Variants in RICTOR observed in about 807,000 individuals in gnomAD.
RICTOR encodes rapamycin-insensitive companion of mTOR.
Under a neutral mutation model 214.9 loss-of-function variants are expected in RICTOR, and 49 were observed. The ratio of observed to expected loss-of-function variants is 0.23; its 90% CI spans 0.18 to 0.29. The LOEUF (loss-of-function observed/expected upper bound fraction) is 0.29, where lower values mean the gene tolerates loss of function less well. Among genes scored for constraint, RICTOR ranks in the 10% least tolerant of loss-of-function variants. RICTOR has a pLI of 1.00. For missense variants in RICTOR, 1,625 were observed against 2,047.0 expected (o/e 0.79, Z 3.98); for synonymous variants, 717 against 711.3 (o/e 1.01, Z -0.13).
chr5:38,959,280 A>G lies in RICTOR; in HGVS notation c.2093T>C (p.Leu698Pro). 6.3e-7 allele frequency: 1 copy of G among 1,593,474 alleles called. No homozygotes were observed. ...GTCCAAGCTAGAAACAGTAAGTTTTAGCAAGTGATCTTGGTTTTTCAAGGA... is the reference window on the plus strand; with the variant it reads ...GTCCAAGCTAGAAACAGTAAGTTTTGGCAAGTGATCTTGGTTTTTCAAGGA... ...LCSLKNQDHL[L>P]KLTVSSLDYS... The change falls in exon 22 of 38, where the codon CTA becomes CCA. Residue 698 changes from leucine (L) to proline (P), a missense_variant. Transcript: ENST00000357387.
chr5:38,945,719 GA>G lies in RICTOR; in HGVS notation c.4404del (p.Pro1469HisfsTer8). 1 of 1,528,572 alleles carries G rather than the reference GA, an allele frequency of 6.5e-7. No individual in the cohort carries two copies. The highest frequency in any genetic ancestry group is 9.1e-7 in the Non-Finnish European group (1 of 1,102,560). 94.7% of individuals were successfully genotyped at this position (1,528,572 alleles called of 1,614,324 possible). A position where few individuals can be genotyped will look rare whatever the true frequency, so the allele number is the denominator to read the frequency against. Reference protein sequence around the residue: ...ARAFAHDAGGLPSGTGGLVKN... With the variant: ...ARAFAHDAGGXPSGTGGLVKN... Reference sequence around the variant, plus strand: ...TTTACAAGACCTCCAGTTCCAGATGGAAGACCTGTGCATAAGTAAATATAAA... The same window carrying G: ...TTTACAAGACCTCCAGTTCCAGATGGAGACCTGTGCATAAGTAAATATAAA... On this transcript the variant is annotated frameshift_variant, in exon 34 of 38. Coordinates refer to ENST00000357387, the MANE Select transcript of RICTOR (RefSeq NM_152756.5). LOFTEE classifies it high-confidence loss of function.
intron 7 of RICTOR, among the ~76,000 whole-genome samples, chr5:38,990,655 G>T (rs71588475): frequency 1.4e-4 from 11 of 79,216 alleles, no homozygotes; most frequent in East Asian, 8.7e-4. Flanking sequence ...TCAGATATAT[G>T]ATATATATCA....
rs1561426241 is a variant in RICTOR at position 38,940,144 on chromosome 5, A to AAAAAAAAAAAC, written c.*2149_*2159dup. ...CAAAGTAACAGTAAAAAAAAAAAAC[A>AAAAAAAAAAAC]AAAAAAAAAACACAAAACATTCAGG... On this transcript the variant is annotated 3_prime_UTR_variant, in exon 38 of 38. Coordinates refer to ENST00000357387, the MANE Select transcript of RICTOR (RefSeq NM_152756.5). The AAAAAAAAAAAC allele has an allele frequency of 1.1e-4, 16 of 140,808 alleles. No individual in the cohort carries two copies. The highest frequency in any genetic ancestry group is 2.6e-4 in the African/African-American group (6 of 23,156). The allele number at this position is 140,808 out of a possible 1,614,324, so 8.7% of individuals were successfully genotyped here. A position where few individuals can be genotyped will look rare whatever the true frequency, so the allele number is the denominator to read the frequency against.
rs371279402 is a variant in RICTOR, at chr5:39,003,537, G to A, written c.260+21C>T. On this transcript the variant is annotated intron_variant, in intron 4 of 37. Transcript: ENST00000357387. Reference sequence around the variant, plus strand: ...TACTAAAATCTGAAAGGGATGGGAGGGGGGAATGAACCACACTTACCAAAT... The same window carrying A: ...TACTAAAATCTGAAAGGGATGGGAGAGGGGAATGAACCACACTTACCAAAT... The A allele has an allele frequency of 2.0e-5, 31 of 1,513,324 alleles. 1 individual carries two copies. In the African/African-American group the frequency reaches 4.3e-4, roughly 21 times the overall value. The allele number at this position is 1,513,324 out of a possible 1,614,324, so 93.7% of individuals were successfully genotyped here.
At chr5:38,959,752 A>G (rs1420514475) in intron 21 of RICTOR, 27 bp downstream of exon 21, 1 of 1,491,218 alleles carries the variant, frequency 6.7e-7, no homozygotes, top group Non-Finnish European at 9.4e-7. Context: ...TCATGTATAT[A>G]TTGCAACAAA....
chr5:39,034,110 T>A (rs541097377), intron 2 of RICTOR, among the ~76,000 whole-genome samples: 14 of 152,340 alleles, frequency 9.2e-5, no homozygotes, highest in African/African-American at 1.2e-4. Flanking sequence ...TACCTTTGGA[T>A]AAGTTAAACA....
chr5:38,961,233 T>C (rs965352600), intron 19 of RICTOR, among the ~76,000 whole-genome samples: 1 of 152,150 alleles, frequency 6.6e-6, no homozygotes, highest in Non-Finnish European at 1.5e-5. Flanking sequence ...GATGGATGAA[T>C]GCAGATTTAA....
In RICTOR at chr5:38,941,898, A is replaced by T. The variant is rs1747610729; in HGVS notation, c.*406T>A. On this transcript the variant is annotated 3_prime_UTR_variant, in exon 38 of 38. Coordinates refer to ENST00000357387, the MANE Select transcript of RICTOR (RefSeq NM_152756.5). ...GCTTTCCACAAGTTAGTTAACAAAC[A>T]AGGCATCTGTATTATTTACCCTAAA... 1 of 234,342 alleles carries T rather than the reference A, an allele frequency of 4.3e-6. No individual in the cohort carries two copies. The allele number at this position is 234,342 out of a possible 1,614,324, so 14.5% of individuals were successfully genotyped here.
intron 16 of RICTOR, 54 bp from the exon 17 acceptor site, chr5:38,963,095 A>G: frequency 1.6e-6 from 2 of 1,254,162 alleles, no homozygotes; most frequent in Non-Finnish European, 2.2e-6. Context: ...ATAATTTAAG[A>G]GATTACCTTG....
chr5:39,037,154 T>C (rs570778204), intron 2 of RICTOR, among the ~76,000 whole-genome samples: 231 of 152,174 alleles, frequency 1.5e-3, no homozygotes, highest in African/African-American at 5.3e-3. Context: ...GAACTCAGGA[T>C]TAAGAAACTC....
chr5:38,962,397 T>G (rs1749870220), intron 18 of RICTOR, 36 bp from the exon 19 acceptor site: 2 of 1,179,434 alleles, frequency 1.7e-6, no homozygotes, highest in Non-Finnish European at 2.5e-6. Flanking sequence ...ACATATGTAC[T>G]TATCAATTCT....
chr5:39,046,819 G>A, intron 2 of RICTOR, among the ~76,000 whole-genome samples: 1 of 152,064 alleles, frequency 6.6e-6, no homozygotes, highest in East Asian at 1.9e-4. Context: ...GAAAAAAAAT[G>A]TTTTAAATGT....
chr5:38,977,119 C>T (rs956362081), intron 9 of RICTOR, among the ~76,000 whole-genome samples: 1 of 152,114 alleles, frequency 6.6e-6, no homozygotes, highest in African/African-American at 2.4e-5. Context: ...GGGAGAAGAC[C>T]ATGTGCTGAG....
chr5:38,993,357 T>C (rs571862704), intron 6 of RICTOR, among the ~76,000 whole-genome samples: 1 of 152,116 alleles, frequency 6.6e-6, no homozygotes, highest in African/African-American at 2.4e-5. Context: ...GCGAGTAGAA[T>C]TTAAATAAGA....
At chr5:39,007,947 G>A (rs1043868306) in intron 3 of RICTOR, among the ~76,000 whole-genome samples, 2 of 150,930 alleles carry the variant, frequency 1.3e-5, no homozygotes, top group African/African-American at 4.8e-5. Flanking sequence ...CTAGGATCAA[G>A]ATCCACTTTT....
chr5:39,010,290 T>A (rs1580090393), intron 3 of RICTOR, among the ~76,000 whole-genome samples: 3 of 152,224 alleles, frequency 2.0e-5, no homozygotes, highest in African/African-American at 4.8e-5. Flanking sequence ...GCCATGATTG[T>A]AAGTTCCCTG....
At chr5:39,059,610 T>G (rs984163283) in intron 2 of RICTOR, among the ~76,000 whole-genome samples, 9 of 152,070 alleles carry the variant, frequency 5.9e-5, no homozygotes, top group Non-Finnish European at 1.3e-4. Flanking sequence ...AATCTAATAC[T>G]AAAATTCTAT....
chr5:38,959,635 A>T, intron 21 of RICTOR, 144 bp downstream of exon 21: 1 of 625,764 alleles, frequency 1.6e-6, no homozygotes, highest in Non-Finnish European at 2.7e-6. Flanking sequence ...CAACAATTTT[A>T]AAAAGAATAT....
At chr5:38,965,022 T>G in intron 15 of RICTOR, 130 bp from the exon 16 acceptor site, 1 of 518,230 alleles carries the variant, frequency 1.9e-6, no homozygotes, top group Non-Finnish European at 3.4e-6. Context: ...AAAATTAACT[T>G]ATTTTCCCCA....
Sources: gnomAD v4.1 joint callset for allele counts (sites outside exome capture counted in the v4.1 genomes callset) on GRCh38, gnomAD v4.1.1 for gene constraint, MANE v1.5 for transcripts, NCBI Gene and HGNC (gene_info 2026-07-23, HGNC 2026-07-21) for gene names.